The following CELF2 variants were observed in gnomAD, a reference collection of about 807,000 sequenced individuals.
CELF2 encodes CUG triplet repeat RNA-binding protein 2.
In CELF2, 8 loss-of-function variants were observed where a neutral mutation model predicts 62.6. The observed-to-expected ratio is 0.13, with a 90% CI of 0.07 to 0.23. The LOEUF is 0.23. Ranked by LOEUF, CELF2 falls within the 10% of genes least tolerant of loss-of-function variation. The probability of loss-of-function intolerance (pLI) is 1.00; values close to 1 mark genes in which losing one functional copy is unlikely to be tolerated. For missense variants in CELF2, 333 were observed against 671.0 expected, an observed-to-expected ratio of 0.50 and a Z score of 5.56; for synonymous variants, 258 against 250.0, an observed-to-expected ratio of 1.03 and a Z score of -0.30.
chr10:10,696,757 C>G, the CELF2 span, among the ~76,000 whole-genome samples: 1 of 152,162 alleles, frequency 6.6e-6, no homozygotes, highest in Non-Finnish European at 1.5e-5. Context: ...GTGGGAGTGA[C>G]TCGATTTTCC....
intron 1 of CELF2, among the ~76,000 whole-genome samples, chr10:10,905,004 GTGTTT>G (rs942871503): frequency 4.6e-5 from 7 of 152,136 alleles, no homozygotes; most frequent in African/African-American, 1.7e-4. Flanking sequence ...ATGATTAGCT[GTGTTT>G]TGTTTCGTTT....
At chr10:10,743,383 T>C in the CELF2 span, among the ~76,000 whole-genome samples, 15 of 152,372 alleles carry the variant, frequency 9.8e-5, no homozygotes, top group African/African-American at 3.6e-4. Flanking sequence ...TACAGTTTTC[T>C]GAAAAGTGTT....
chr10:11,054,570 T>G (rs1301867857), intron 1 of CELF2, among the ~76,000 whole-genome samples: 1 of 152,014 alleles, frequency 6.6e-6, no homozygotes, highest in East Asian at 1.9e-4. Flanking sequence ...AGAATTGACC[T>G]TGTCTTTATC....
intron 1 of CELF2, among the ~76,000 whole-genome samples, chr10:11,027,959 G>A (rs758176261): frequency 3.9e-5 from 6 of 152,172 alleles, no homozygotes; most frequent in Admixed American, 3.9e-4. Context: ...AAGTTCCCCC[G>A]CATTTCCCGG....
rs2082349495 is a variant in CELF2, at chr10:11,267,065, T to G, written c.618+388T>G. Among the ~76,000 whole-genome samples, 1 of 152,178 alleles carries G rather than the reference T, an allele frequency of 6.6e-6. No homozygotes were observed. Among genetic ancestry groups the G allele is most frequent in the Admixed American group, 6.5e-5 (1 of 15,286 alleles). ...AACAGTAACAGCCTCCCACCCCAAA[T>G]TACTGCTTGCCCTGTGCTAAGTCCC... is the stretch of plus-strand genomic sequence containing the variant. On this transcript the variant is annotated intron_variant, in intron 6 of 12. Transcript: ENST00000633077. This position sits in a 1 kb window ranked among gnomAD's most constrained non-coding sequence, Gnocchi z 4.4.
the CELF2 span, among the ~76,000 whole-genome samples, chr10:10,506,670 A>ATTTTT: frequency 0.023 from 1,499 of 64,524 alleles, 389 homozygotes; most frequent in Middle Eastern, 0.12. Flanking sequence ...CCTCCTGTGA[A>ATTTTT]TTTTTTTTTT....
At chr10:10,544,032 A>C in the CELF2 span, among the ~76,000 whole-genome samples, 1 of 152,218 alleles carries the variant, frequency 6.6e-6, no homozygotes, top group African/African-American at 2.4e-5. Context: ...ATGTCCCTAA[A>C]ACAACTGAAG....
chr10:10,499,699 G>T, the CELF2 span, among the ~76,000 whole-genome samples: 2 of 152,262 alleles, frequency 1.3e-5, no homozygotes, highest in East Asian at 3.9e-4. Context: ...TCAACGTGGT[G>T]AAATCCTATC....
chr10:10,647,296 C>G, the CELF2 span, among the ~76,000 whole-genome samples: 7 of 152,230 alleles, frequency 4.6e-5, no homozygotes, highest in East Asian at 9.7e-4. Context: ...CTGCTCCTTG[C>G]GATTTCCTGT....
At chr10:10,799,551 G>A (rs987629255) in intron 1 of CELF2, among the ~76,000 whole-genome samples, 8 of 152,042 alleles carry the variant, frequency 5.3e-5, no homozygotes, top group African/African-American at 1.9e-4. Flanking sequence ...TAGGGCCCTT[G>A]AAGGGTCAAG....
chr10:11,202,945 CTCTCTCTGTGTG>C (rs1315671737), intron 2 of CELF2, among the ~76,000 whole-genome samples: 1 of 71,580 alleles, frequency 1.4e-5, no homozygotes, highest in Non-Finnish European at 2.9e-5. Flanking sequence ...CTCTCTCTCT[CTCTCTCTGTGTG>C]TGTGTGTGTG....
chr10:10,590,200 AT>A, the CELF2 span, among the ~76,000 whole-genome samples: 1 of 152,160 alleles, frequency 6.6e-6, no homozygotes, highest in Admixed American at 6.5e-5. Context: ...ATCTCCCTCT[AT>A]TTGGGGTGCA....
At position 10,995,223 on chromosome 10, in the gene CELF2, A is replaced by G. The variant is rs932603116; in HGVS notation, c.89+75224A>G. On this transcript the variant is annotated intron_variant, in intron 2 of 13. Transcript: ENST00000636488. The surrounding 1 kb of genome is among the most constrained non-coding windows in gnomAD (Gnocchi z 4.7). ...ATAACTAACACTGTAGTCCTTCAGA[A>G]AAAGAAACGTGTGGCTCATGTAGCT... 5.3e-5 allele frequency among the ~76,000 whole-genome samples: 8 copies of G among 152,248 alleles called. No homozygotes were observed. Among genetic ancestry groups the G allele is most frequent in the Non-Finnish European group, 1.2e-4 (8 of 68,046 alleles).
At chr10:10,681,593 C>G in the CELF2 span, among the ~76,000 whole-genome samples, 1 of 152,060 alleles carries the variant, frequency 6.6e-6, no homozygotes, top group African/African-American at 2.4e-5. Context: ...TTTTCACATG[C>G]CATGAAATAG....
intron 2 of CELF2, among the ~76,000 whole-genome samples, chr10:11,180,427 G>A (rs2072928815): frequency 6.6e-6 from 1 of 152,210 alleles, no homozygotes; most frequent in Non-Finnish European, 1.5e-5. Flanking sequence ...CAGGGCCGTT[G>A]AGCAGATTCA....
the CELF2 span, among the ~76,000 whole-genome samples, chr10:10,532,124 C>A: frequency 1.3e-5 from 2 of 152,240 alleles, no homozygotes; most frequent in Non-Finnish European, 2.9e-5. Context: ...AAAAGACAGG[C>A]AACATCTTTG....
At chr10:11,186,485 A>G (rs1392801124) in intron 2 of CELF2, among the ~76,000 whole-genome samples, 1 of 151,892 alleles carries the variant, frequency 6.6e-6, no homozygotes, top group Non-Finnish European at 1.5e-5. Context: ...CCTAAGTACC[A>G]TTTTACCTAC....
the CELF2 span, among the ~76,000 whole-genome samples, chr10:10,694,544 T>C: frequency 3.9e-5 from 6 of 152,304 alleles, no homozygotes; most frequent in East Asian, 1.2e-3. Context: ...GGTGCAGAGC[T>C]GAGTTCAATT....
chr10:10,808,786 G>T (rs916228749), intron 1 of CELF2, among the ~76,000 whole-genome samples: 8 of 152,048 alleles, frequency 5.3e-5, no homozygotes, highest in African/African-American at 1.4e-4. Context: ...CTCCTAGGAA[G>T]ATTACTAAAA....
Sources: gnomAD v4.1 joint callset for allele counts (sites outside exome capture counted in the v4.1 genomes callset) on GRCh38, gnomAD v4.1.1 for gene constraint, Gnocchi (gnomAD v3.1) non-coding constraint, MANE v1.5 for transcripts, NCBI Gene and HGNC (gene_info 2026-07-23, HGNC 2026-07-21) for gene names.